Variants in PCDH9 observed in about 807,000 individuals in gnomAD.
PCDH9 encodes the protein protocadherin-9.
Under a neutral mutation model 70.6 loss-of-function variants are expected in PCDH9, and 24 were observed. That is an observed-to-expected ratio of 0.34 (90% CI 0.25 to 0.48). PCDH9 has a LOEUF of 0.48. PCDH9 is among the 20% of genes least tolerant of loss of function. The pLI, the probability that PCDH9 is intolerant of heterozygous loss-of-function variation, is 0.99. For synonymous variants in PCDH9, 562 were observed against 558.5 expected (o/e 1.01, Z -0.09); for missense variants, 1,281 against 1,503.6 (o/e 0.85, Z 2.45).
At chr13:66,576,171 A>G (rs929948788) in intron 4 of PCDH9, among the ~76,000 whole-genome samples, 1 of 151,814 alleles carries the variant, frequency 6.6e-6, no homozygotes, top group Non-Finnish European at 1.5e-5. Context: ...GTGAATTCAA[A>G]TCAAGTCTTC....
In PCDH9 at chr13:66,713,625, G is replaced by GTATA. The variant is rs67681559; in HGVS notation, c.3139-82218_3139-82215dup. Among the ~76,000 whole-genome samples, 188 of 109,982 alleles carry GTATA rather than the reference G, an allele frequency of 1.7e-3. 2 individuals carry two copies. The highest frequency in any genetic ancestry group is 6.0e-3 in the African/African-American group (164 of 27,300). 72.2% of individuals were successfully genotyped at this position (109,982 alleles called of 152,430 possible). On this transcript the variant is annotated intron_variant, in intron 3 of 4. Coordinates refer to ENST00000377865, the MANE Select transcript of PCDH9 (RefSeq NM_203487.3). The stretch of plus-strand genomic sequence containing the variant: ...ATATATATATAAAGTGTGTGTGTGT[G>GTATA]TATATATATATATATATATATATAT...
chr13:66,703,722 C>A (rs1320708779), intron 3 of PCDH9, among the ~76,000 whole-genome samples: 2 of 151,786 alleles, frequency 1.3e-5, no homozygotes, highest in Admixed American at 6.6e-5. Context: ...TGGTGAGACC[C>A]CCGTCTCTAA....
intron 4 of PCDH9, among the ~76,000 whole-genome samples, chr13:66,486,453 T>TC (rs57541992): frequency 4.7e-5 from 7 of 150,110 alleles, no homozygotes; most frequent in African/African-American, 1.2e-4. Context: ...CTAGACCCTG[T>TC]CCCCCCCCCA....
intron 2 of PCDH9, among the ~76,000 whole-genome samples, chr13:67,113,138 T>C (rs2138276044): frequency 6.6e-6 from 1 of 152,314 alleles, no homozygotes; most frequent in African/African-American, 2.4e-5. Flanking sequence ...TATAATTCCT[T>C]ATTAATATTC....
intron 2 of PCDH9, among the ~76,000 whole-genome samples, chr13:67,058,336 G>A (rs1426217145): frequency 3.3e-5 from 5 of 152,084 alleles, no homozygotes; most frequent in African/African-American, 2.4e-5. Context: ...TTCTCTGCAG[G>A]ATATGATTGA....
intron 2 of PCDH9, among the ~76,000 whole-genome samples, chr13:66,984,891 C>T (rs1157024029): frequency 2.0e-5 from 3 of 151,740 alleles, no homozygotes; most frequent in Non-Finnish European, 4.4e-5. Flanking sequence ...AATTTTAAAA[C>T]TTTGTTTATA....
intron 3 of PCDH9, among the ~76,000 whole-genome samples, chr13:66,901,647 T>C (rs2082278421): frequency 6.6e-6 from 1 of 151,776 alleles, no homozygotes; most frequent in Admixed American, 6.6e-5. Context: ...TAGATGTCAT[T>C]TTTTTTCTTC....
In PCDH9 at chr13:66,391,245, T is replaced by C. The variant is rs551287477; in HGVS notation, c.3341-86217A>G. ...AAGAGAATTGTGCTACACTAAGTGATCAACAACTATTTAAAATTTTACGTT... is the reference window on the plus strand; with the variant it reads ...AAGAGAATTGTGCTACACTAAGTGACCAACAACTATTTAAAATTTTACGTT... On this transcript the variant is annotated intron_variant, in intron 4 of 4. Transcript: ENST00000377865. 3.9e-5 allele frequency among the ~76,000 whole-genome samples: 6 copies of C among 152,312 alleles called. No homozygotes were observed. The South Asian group carries it at 1.2e-3, about 32-fold the overall frequency.
At position 66,648,001 on chromosome 13, in the gene PCDH9, T is replaced by A. The variant is rs1593834599; in HGVS notation, c.3139-16590A>T. 2.0e-5 allele frequency among the ~76,000 whole-genome samples: 3 copies of A among 151,782 alleles called. No individual in the cohort carries two copies. In the East Asian group the frequency reaches 5.9e-4, roughly 30 times the overall value. ...GAAAGGAGAAGAAAGGGTGGGAAAA[T>A]CTTGTCTTTTGGCTTGGGTGCCAGC... On this transcript the variant is annotated intron_variant, in intron 3 of 4. Transcript: ENST00000377865.
At chr13:67,171,095 T>C (rs900955120) in intron 2 of PCDH9, among the ~76,000 whole-genome samples, 1 of 152,206 alleles carries the variant, frequency 6.6e-6, no homozygotes, top group Non-Finnish European at 1.5e-5. Flanking sequence ...AAACATAGCA[T>C]ACCGAAATCC....
At chr13:66,502,525 A>AT (rs1282768701) in intron 4 of PCDH9, among the ~76,000 whole-genome samples, 5 of 152,110 alleles carry the variant, frequency 3.3e-5, no homozygotes, top group Admixed American at 2.0e-4. Flanking sequence ...AAAATTTGTC[A>AT]TTTTTTATGA....
At chr13:66,577,225 A>G (rs1276939422) in intron 4 of PCDH9, among the ~76,000 whole-genome samples, 2 of 151,872 alleles carry the variant, frequency 1.3e-5, no homozygotes, top group East Asian at 3.9e-4. Context: ...CATGTATACT[A>G]TTTGCCAATA....
intron 4 of PCDH9, among the ~76,000 whole-genome samples, chr13:66,609,905 G>T (rs1329833031): frequency 6.6e-6 from 1 of 151,120 alleles, no homozygotes; most frequent in Admixed American, 6.6e-5. Context: ...ATGTTAGAAG[G>T]ACTAGGTCTG....
At chr13:67,174,252 T>TATAG (rs367797623) in intron 2 of PCDH9, among the ~76,000 whole-genome samples, 1 of 151,364 alleles carries the variant, frequency 6.6e-6, no homozygotes, top group Non-Finnish European at 1.5e-5. Flanking sequence ...ATAGGCAGAC[T>TATAG]ATAGATAGAT....
intron 2 of PCDH9, among the ~76,000 whole-genome samples, chr13:67,067,448 G>C (rs2085669894): frequency 1.3e-5 from 2 of 151,896 alleles, no homozygotes; most frequent in African/African-American, 2.4e-5. Flanking sequence ...ATTACTTAGA[G>C]ACCATCTCAA....
chr13:66,575,473 G>T (rs992143637), intron 4 of PCDH9, among the ~76,000 whole-genome samples: 3 of 152,024 alleles, frequency 2.0e-5, no homozygotes, highest in Non-Finnish European at 4.4e-5. Context: ...AACTGGTTTT[G>T]GAATAATGCT....
rs1184326789 is a variant in PCDH9, at chr13:66,305,402, A to G, written c.3341-374T>C. Reference sequence around the variant, plus strand: ...TAAGAAATCCCAGAAAAAAACTCATATTTATGATAAATTATAAAAAGTAGA... The same window carrying G: ...TAAGAAATCCCAGAAAAAAACTCATGTTTATGATAAATTATAAAAAGTAGA... On this transcript the variant is annotated intron_variant, in intron 4 of 4. Coordinates refer to ENST00000377865, the MANE Select transcript of PCDH9 (RefSeq NM_203487.3). Among the ~76,000 whole-genome samples, 4 of 152,028 alleles carry G rather than the reference A, an allele frequency of 2.6e-5. No homozygotes were observed. In the East Asian group the frequency reaches 7.7e-4, roughly 29 times the overall value.
At chr13:66,395,978 T>C (rs1053198480) in intron 4 of PCDH9, among the ~76,000 whole-genome samples, 2 of 152,214 alleles carry the variant, frequency 1.3e-5, no homozygotes, top group Admixed American at 1.3e-4. Context: ...ATTTAAAAAG[T>C]ATTTCTTTCC....
At chr13:66,540,802 T>C (rs2138656426) in intron 4 of PCDH9, among the ~76,000 whole-genome samples, 1 of 152,296 alleles carries the variant, frequency 6.6e-6, no homozygotes, top group South Asian at 2.1e-4. Context: ...TCATTAAAGG[T>C]CTTGACTTTG....
Sources: gnomAD v4.1 joint callset for allele counts (sites outside exome capture counted in the v4.1 genomes callset) on GRCh38, gnomAD v4.1.1 for gene constraint, MANE v1.5 for transcripts, NCBI Gene and HGNC (gene_info 2026-07-23, HGNC 2026-07-21) for gene names.